The following LPAR1 variants were observed in gnomAD, a reference collection of about 807,000 sequenced individuals.
LPAR1 encodes lysophosphatidic acid receptor 1, also known as LPA receptor 1.
LPAR1 carries 5 observed loss-of-function variants against 23.8 expected under a neutral mutation model. The ratio of observed to expected loss-of-function variants is 0.21; its 90% CI spans 0.11 to 0.44. LPAR1 has a LOEUF of 0.44. Ranked by LOEUF, LPAR1 falls within the 20% of genes least tolerant of loss-of-function variation. The probability of loss-of-function intolerance (pLI) is 0.99; values close to 1 mark genes in which losing one functional copy is unlikely to be tolerated. For synonymous variants in LPAR1, 160 were observed against 164.7 expected (o/e 0.97, Z 0.22); for missense variants, 311 against 482.8 (o/e 0.64, Z 3.33).
chr9:111,036,842 T>C (rs1351243768), intron 1 of LPAR1, among the ~76,000 whole-genome samples: 1 of 152,218 alleles, frequency 6.6e-6, no homozygotes, highest in African/African-American at 2.4e-5. Flanking sequence ...CTGATTATTA[T>C]TCATAATTTT....
At position 110,886,762 on chromosome 9, in the gene LPAR1, T is replaced by A. The variant is rs1036214134; in HGVS notation, c.794-11040A>T. ...AATCTATTTTGCCTCGTAAACTAAG[T>A]GATAAATTGCAAAAGTTTTAAAAAG... On this transcript the variant is annotated intron_variant, in intron 5 of 5. Coordinates refer to ENST00000683809, the MANE Select transcript of LPAR1 (RefSeq NM_001351411.2). Among the ~76,000 whole-genome samples the A allele has an allele frequency of 2.6e-5, 4 of 152,278 alleles. No individual in the cohort carries two copies. In the East Asian group the frequency reaches 7.7e-4, roughly 29 times the overall value.
At chr9:110,917,068 C>A in intron 5 of LPAR1, among the ~76,000 whole-genome samples, 1 of 151,498 alleles carries the variant, frequency 6.6e-6, no homozygotes, top group South Asian at 2.1e-4. Context: ...CCGGGTACAG[C>A]GGCTCACGGC....
chr9:110,927,692 A>G (rs1301058867), intron 5 of LPAR1, among the ~76,000 whole-genome samples: 1 of 152,136 alleles, frequency 6.6e-6, no homozygotes, highest in Non-Finnish European at 1.5e-5. Context: ...TTTAGCTGTA[A>G]AATAAGGCCA....
At chr9:110,894,065 T>G (rs1359599579) in intron 5 of LPAR1, among the ~76,000 whole-genome samples, 4 of 152,260 alleles carry the variant, frequency 2.6e-5, no homozygotes, top group Admixed American at 2.0e-4. Context: ...AATAAAACCT[T>G]TATTAAACAT....
rs192850144 is a variant in LPAR1 at position 110,910,027 on chromosome 9, G to T, written c.793+31394C>A. ...GCTTCCCAAAGTGCTAGGATTATAG[G>T]CATGAGCCACCACATCTGGCCCAAA... On this transcript the variant is annotated intron_variant, in intron 5 of 5. Coordinates refer to ENST00000683809, the MANE Select transcript of LPAR1 (RefSeq NM_001351411.2). 1.8e-3 allele frequency among the ~76,000 whole-genome samples: 270 copies of T among 152,164 alleles called. 1 individual carries two copies. The highest frequency in any genetic ancestry group is 3.1e-3 in the Non-Finnish European group (209 of 68,022).
intron 5 of LPAR1, among the ~76,000 whole-genome samples, chr9:110,882,299 G>C (rs970396455): frequency 2.6e-5 from 4 of 152,156 alleles, no homozygotes; most frequent in African/African-American, 9.7e-5. Context: ...CTGGAATCTA[G>C]AATATTGCCT....
chr9:110,887,767 T>C (rs2082805338), intron 5 of LPAR1, among the ~76,000 whole-genome samples: 1 of 152,172 alleles, frequency 6.6e-6, no homozygotes. Context: ...AGTCTAAATA[T>C]TGCAAAGCAA....
At chr9:110,922,608 CTAAT>C (rs754439314) in intron 5 of LPAR1, among the ~76,000 whole-genome samples, 8 of 151,944 alleles carry the variant, frequency 5.3e-5, no homozygotes, top group African/African-American at 9.7e-5. Flanking sequence ...GTTGAATTAA[CTAAT>C]TAAGTTGAAT....
chr9:111,017,586 G>A (rs898000897), intron 2 of LPAR1, among the ~76,000 whole-genome samples: 2 of 152,086 alleles, frequency 1.3e-5, no homozygotes, highest in African/African-American at 2.4e-5. Context: ...AACCAGCACA[G>A]GTATAATTAC....
chr9:111,016,665 A>C (rs1588878996), intron 2 of LPAR1, among the ~76,000 whole-genome samples: 1 of 152,204 alleles, frequency 6.6e-6, no homozygotes, highest in African/African-American at 2.4e-5. Flanking sequence ...GAGCTTAATA[A>C]CCTTGAACTT....
intron 2 of LPAR1, among the ~76,000 whole-genome samples, chr9:111,002,347 C>T (rs1438322328): frequency 1.3e-5 from 2 of 152,078 alleles, no homozygotes; most frequent in Non-Finnish European, 2.9e-5. Flanking sequence ...TTGTAAATTT[C>T]CCTTCGGAAA....
chr9:110,945,441 GA>G (rs1397350909), intron 4 of LPAR1: 2 of 152,174 alleles, frequency 1.3e-5, no homozygotes, highest in African/African-American at 4.8e-5. Flanking sequence ...AGAAGAGATA[GA>G]AAGAGAAAAA....
intron 2 of LPAR1, among the ~76,000 whole-genome samples, chr9:111,011,588 T>G (rs1210874542): frequency 6.6e-6 from 1 of 152,230 alleles, no homozygotes; most frequent in Non-Finnish European, 1.5e-5. Context: ...TGTTTCTTTC[T>G]TTCCTCTGTC....
intron 5 of LPAR1, among the ~76,000 whole-genome samples, chr9:110,888,744 A>T (rs929936804): frequency 6.6e-6 from 1 of 152,206 alleles, no homozygotes; most frequent in Non-Finnish European, 1.5e-5. Flanking sequence ...AAATCAGACA[A>T]GAGATAATGG....
At chr9:110,992,608 TGGAC>T (rs2096917767) in intron 2 of LPAR1, among the ~76,000 whole-genome samples, 1 of 151,464 alleles carries the variant, frequency 6.6e-6, no homozygotes, top group Non-Finnish European at 1.5e-5. Context: ...CATAAATGAA[TGGAC>T]AAATTGTTAT....
intron 2 of LPAR1, among the ~76,000 whole-genome samples, chr9:110,997,977 T>C (rs2097051481): frequency 6.6e-6 from 1 of 152,190 alleles, no homozygotes; most frequent in Non-Finnish European, 1.5e-5. Context: ...CAAATTGTAA[T>C]ATGTGGCACA....
At chr9:110,938,335 C>T (rs983892091) in intron 5 of LPAR1, among the ~76,000 whole-genome samples, 1 of 152,076 alleles carries the variant, frequency 6.6e-6, no homozygotes, top group Non-Finnish European at 1.5e-5. Context: ...ACCAGCAGGA[C>T]TTGTTTTCAC....
At position 110,875,595 on chromosome 9, in the gene LPAR1, GT is replaced by G. The variant is rs1347951638; in HGVS notation, c.920del (p.Asn307ThrfsTer12). The G allele has an allele frequency of 3.7e-6, 6 of 1,613,958 alleles. No individual in the cohort carries two copies. The highest frequency in any genetic ancestry group is 1.3e-5 in the African/African-American group (1 of 74,890). The part of the protein sequence containing the change: ...LLLAEFNSAM[N>X]PIIYSYRDKE... ...TGTCGCGGTAGGAGTAAATGATGGGGTTCATGGCAGAGTTGAATTCAGCAAG... is the reference window on the plus strand; with the variant it reads ...TGTCGCGGTAGGAGTAAATGATGGGGTCATGGCAGAGTTGAATTCAGCAAG... On this transcript the variant is annotated frameshift_variant, in exon 6 of 6. Coordinates refer to ENST00000683809, the MANE Select transcript of LPAR1 (RefSeq NM_001351411.2). LOFTEE classifies it high-confidence loss of function.
intron 4 of LPAR1, among the ~76,000 whole-genome samples, chr9:110,952,358 C>T (rs1441486361): frequency 2.0e-5 from 3 of 152,160 alleles, no homozygotes; most frequent in African/African-American, 7.2e-5. Flanking sequence ...AACAGCGTTA[C>T]TCCAGAGACA....
Sources: allele counts gnomAD v4.1 joint callset (sites outside exome capture counted in the v4.1 genomes callset), GRCh38; gene constraint gnomAD v4.1.1; transcripts MANE v1.5; gene names NCBI Gene and HGNC (gene_info 2026-07-23, HGNC 2026-07-21).